The following PARN variants were observed in gnomAD, a reference collection of about 807,000 sequenced individuals.
The protein encoded by PARN is poly(A)-specific ribonuclease PARN.
PARN carries 71 observed loss-of-function variants against 102.8 expected under a neutral mutation model. The ratio of observed to expected loss-of-function variants is 0.69; its 90% CI spans 0.57 to 0.84. PARN has a LOEUF of 0.84. Among genes scored for constraint, PARN ranks in the 40% least tolerant of loss-of-function variants. The probability of loss-of-function intolerance (pLI) is 0.00; values close to 1 mark genes in which losing one functional copy is unlikely to be tolerated. For missense variants in PARN, 782 were observed against 760.9 expected, an observed-to-expected ratio of 1.03 and a Z score of -0.33; for synonymous variants, 261 against 252.9, an observed-to-expected ratio of 1.03 and a Z score of -0.30.
At chr16:14,457,941 T>C (rs1023855766) in intron 22 of PARN, among the ~76,000 whole-genome samples, 1 of 150,836 alleles carries the variant, frequency 6.6e-6, no homozygotes, top group African/African-American at 2.4e-5. Context: ...GGTGTGTGTG[T>C]GTGTGTGAGA....
chr16:14,436,735 T>C lies in PARN; in HGVS notation c.1902A>G (p.Glu634=). Residue 634 remains glutamate (E), a synonymous_variant, in exon 24 of 24, where the codon GAA becomes GAG. Coordinates refer to ENST00000437198, the MANE Select transcript of PARN (RefSeq NM_002582.4). ...GTCTTGGTTACCATGTGTCAGGAACTTCAAAGAGTGTGGCAGGGCTGTTCT... is the reference window on the plus strand; with the variant it reads ...GTCTTGGTTACCATGTGTCAGGAACCTCAAAGAGTGTGGCAGGGCTGTTCT... The part of the protein sequence containing the change: ...ISKNSPATLF[E]VPDTW 6.2e-7 allele frequency: 1 copy of C among 1,601,600 alleles called. No homozygotes were observed. The highest frequency in any genetic ancestry group is 8.5e-7 in the Non-Finnish European group (1 of 1,174,204).
intron 22 of PARN, among the ~76,000 whole-genome samples, chr16:14,451,858 A>ATAC (rs1199803893): frequency 4.5e-4 from 38 of 84,598 alleles, no homozygotes; most frequent in Non-Finnish European, 2.4e-4. Flanking sequence ...AAAAAAAAAA[A>ATAC]AAAAAAAATA....
chr16:14,571,102 C>T (rs756572471), intron 18 of PARN, among the ~76,000 whole-genome samples: 3 of 149,312 alleles, frequency 2.0e-5, no homozygotes, highest in Admixed American at 6.6e-5. Context: ...AAGTCTAAAA[C>T]TCCAGGCGCG....
chr16:14,532,662 G>A (rs1021606704), intron 21 of PARN, among the ~76,000 whole-genome samples: 3 of 151,814 alleles, frequency 2.0e-5, no homozygotes, highest in East Asian at 1.9e-4. Flanking sequence ...ATCATGGCCC[G>A]TTCTCAATGA....
At chr16:14,600,061 A>G in intron 11 of PARN, 101 bp from the exon 12 acceptor site, 1 of 627,400 alleles carries the variant, frequency 1.6e-6, no homozygotes, top group African/African-American at 1.9e-5. Flanking sequence ...TTTTGTATCA[A>G]GTTAGATAGC....
chr16:14,549,001 G>A (rs1967133446), intron 21 of PARN, among the ~76,000 whole-genome samples: 1 of 150,838 alleles, frequency 6.6e-6, no homozygotes, highest in Admixed American at 6.6e-5. Context: ...AGGGGGGAAG[G>A]TGGGGAGGGG....
At chr16:14,512,164 T>G (rs1567335727) in intron 21 of PARN, among the ~76,000 whole-genome samples, 3 of 152,216 alleles carry the variant, frequency 2.0e-5, no homozygotes, top group African/African-American at 7.2e-5. Context: ...TACCATTTAG[T>G]TGAGAACTCC....
intron 21 of PARN, among the ~76,000 whole-genome samples, chr16:14,513,176 C>T (rs1469427651): frequency 3.9e-5 from 6 of 152,162 alleles, no homozygotes; most frequent in African/African-American, 1.2e-4. Context: ...CTGCCCGCCT[C>T]GGCCTCCCAA....
chr16:14,453,490 G>A (rs983758666), intron 22 of PARN, among the ~76,000 whole-genome samples: 2 of 152,140 alleles, frequency 1.3e-5, no homozygotes, highest in African/African-American at 4.8e-5. Flanking sequence ...TATTTTAAAT[G>A]TACAGTTTGG....
chr16:14,506,012 AT>A (rs1223819321), intron 21 of PARN, among the ~76,000 whole-genome samples: 1 of 152,226 alleles, frequency 6.6e-6, no homozygotes, highest in African/African-American at 2.4e-5. Context: ...TGTGACCACT[AT>A]TTACCTAAAT....
At chr16:14,624,150 TATTAA>T (rs1567466771) in intron 5 of PARN, among the ~76,000 whole-genome samples, 1 of 152,148 alleles carries the variant, frequency 6.6e-6, no homozygotes, top group Non-Finnish European at 1.5e-5. Flanking sequence ...TTAAAGAACA[TATTAA>T]ATTGTTGTAT....
intron 21 of PARN, among the ~76,000 whole-genome samples, chr16:14,485,790 T>C (rs1963644334): frequency 6.6e-6 from 1 of 152,142 alleles, no homozygotes; most frequent in Non-Finnish European, 1.5e-5. Flanking sequence ...CGGGTTCAAG[T>C]GATTCTCGTG....
intron 21 of PARN, among the ~76,000 whole-genome samples, chr16:14,517,540 T>C (rs888000573): frequency 2.6e-5 from 4 of 152,204 alleles, no homozygotes; most frequent in African/African-American, 7.2e-5. Flanking sequence ...GTTCAAAAAA[T>C]GAGGTTTAGA....
At chr16:14,627,499 T>C (rs1040241240) in intron 3 of PARN, among the ~76,000 whole-genome samples, 163 bp from the exon 4 acceptor site, 1 of 152,212 alleles carries the variant, frequency 6.6e-6, no homozygotes, top group African/African-American at 2.4e-5. Flanking sequence ...TATTAATTTG[T>C]ATACATTTCA....
intron 22 of PARN, among the ~76,000 whole-genome samples, chr16:14,464,747 T>C (rs955355118): frequency 3.3e-5 from 5 of 151,462 alleles, no homozygotes; most frequent in African/African-American, 1.2e-4. Context: ...CAGAGGAAGA[T>C]TCTGTTTGGA....
At chr16:14,578,991 TTC>T (rs926565228) in intron 18 of PARN, among the ~76,000 whole-genome samples, 7 of 152,182 alleles carry the variant, frequency 4.6e-5, no homozygotes, top group Admixed American at 6.5e-5. Context: ...TAGCTTTTTT[TTC>T]TTTTTTTTTT....
chr16:14,596,736 A>C (rs1970539313), intron 12 of PARN, among the ~76,000 whole-genome samples: 1 of 152,044 alleles, frequency 6.6e-6, no homozygotes, highest in Admixed American at 6.6e-5. Flanking sequence ...ACTGTGTCTC[A>C]AAATTAAATA....
At chr16:14,617,824 A>G (rs1022957581) in intron 5 of PARN, among the ~76,000 whole-genome samples, 174 bp from the exon 6 acceptor site, 8 of 152,224 alleles carry the variant, frequency 5.3e-5, no homozygotes, top group African/African-American at 1.9e-4. Flanking sequence ...ACTTGCTTAA[A>G]ACATTTGGGC....
intron 18 of PARN, among the ~76,000 whole-genome samples, chr16:14,559,867 T>C (rs892762188): frequency 1.3e-5 from 2 of 152,200 alleles, no homozygotes; most frequent in African/African-American, 4.8e-5. Flanking sequence ...CTGTGTGACT[T>C]GGCAGACTGC....
Sources: gnomAD v4.1 joint callset for allele counts (sites outside exome capture counted in the v4.1 genomes callset) on GRCh38, gnomAD v4.1.1 for gene constraint, MANE v1.5 for transcripts, NCBI Gene and HGNC (gene_info 2026-07-23, HGNC 2026-07-21) for gene names.